HOATZ: variants seen among roughly 807,000 people sequenced by gnomAD.
HOATZ encodes the protein HOATZ cilia and flagella associated protein.
HOATZ carries 26 observed loss-of-function variants against 24.9 expected under a neutral mutation model. That is an observed-to-expected ratio of 1.04 (90% CI 0.76 to 1.45). HOATZ has a LOEUF of 1.45. Ranked by LOEUF, HOATZ falls within the 40% of genes most tolerant of loss-of-function variation. The probability of loss-of-function intolerance (pLI) is 0.00; values close to 1 mark genes in which losing one functional copy is unlikely to be tolerated. For synonymous variants in HOATZ, 83 were observed against 76.6 expected, an observed-to-expected ratio of 1.08 and a Z score of -0.43; for missense variants, 226 against 201.5, an observed-to-expected ratio of 1.12 and a Z score of -0.74.
At chr11:111,525,831 G>GA (rs1401384922) in intron 3 of HOATZ, among the ~76,000 whole-genome samples, 2 of 152,174 alleles carry the variant, frequency 1.3e-5, no homozygotes, top group South Asian at 2.1e-4. Flanking sequence ...TTCCCATTTA[G>GA]AAAAAAGAAG....
intron 3 of HOATZ, among the ~76,000 whole-genome samples, chr11:111,527,577 T>C (rs1316726336): frequency 6.6e-6 from 1 of 152,236 alleles, no homozygotes; most frequent in Non-Finnish European, 1.5e-5. Context: ...AATCAGATTA[T>C]ACTGGGGAAA....
intron 5 of HOATZ, chr11:111,534,876 A>G (rs928386017): frequency 5.9e-6 from 1 of 169,556 alleles, no homozygotes; most frequent in Non-Finnish European, 1.3e-5. Flanking sequence ...TGCTAAAACT[A>G]AGTTCATGTA....
chr11:111,529,869 C>T (rs931854757), intron 3 of HOATZ, among the ~76,000 whole-genome samples: 2 of 152,050 alleles, frequency 1.3e-5, no homozygotes, highest in Non-Finnish European at 2.9e-5. Flanking sequence ...GAAGAATTTG[C>T]ACTGCATATT....
chr11:111,519,533 T>TC (rs746496730), intron 3 of HOATZ, among the ~76,000 whole-genome samples: 2 of 152,156 alleles, frequency 1.3e-5, no homozygotes, highest in African/African-American at 2.4e-5. Context: ...GAAACGTAAC[T>TC]CCCTGTAATT....
chr11:111,523,205 C>CTTTTTTTTTT (rs747393521), intron 3 of HOATZ, among the ~76,000 whole-genome samples: 10 of 94,262 alleles, frequency 1.1e-4, no homozygotes, highest in East Asian at 2.9e-4. Context: ...TAAGTGTTCA[C>CTTTTTTTTTT]TTTTTTTTTT....
chr11:111,525,021 A>G, intron 3 of HOATZ: 1 of 345,370 alleles, frequency 2.9e-6, no homozygotes, highest in South Asian at 2.2e-5. Context: ...GGTGCACACC[A>G]TCACATCCAG....
intron 3 of HOATZ, among the ~76,000 whole-genome samples, chr11:111,527,968 G>T (rs532505307): frequency 7.9e-5 from 12 of 152,266 alleles, no homozygotes; most frequent in Non-Finnish European, 1.6e-4. Context: ...TGCAGAATGT[G>T]AACTGAAATT....
chr11:111,536,865 CT>C lies in HOATZ; in HGVS notation c.*40del. ...ATGGCAGAGGATGGCTCACTTATACCTTCACTTTGGAAACAACCTTCTCTTA... is the reference window on the plus strand; with the variant it reads ...ATGGCAGAGGATGGCTCACTTATACCTCACTTTGGAAACAACCTTCTCTTA... On this transcript the variant is annotated 3_prime_UTR_variant, in exon 6 of 6. Coordinates refer to ENST00000375618, the MANE Select transcript of HOATZ (RefSeq NM_001100388.2). 6.5e-7 allele frequency: 1 copy of C among 1,548,348 alleles called. No individual in the cohort carries two copies. The highest frequency in any genetic ancestry group is 1.1e-5 in the South Asian group (1 of 89,616).
chr11:111,514,891 T>C lies in HOATZ; in HGVS notation c.107T>C (p.Leu36Ser). 6.2e-7 allele frequency: 1 copy of C among 1,614,104 alleles called. No individual in the cohort carries two copies. Among genetic ancestry groups the C allele is most frequent in the South Asian group, 1.1e-5 (1 of 91,082 alleles). ...GGCTCCTCGGAACAAGATGCCAACT[T>C]GGCTAAGCAGTTCTGGATCTCGGCG... ...FAGSSEQDAN[L>S]AKQFWISASM... is the part of the protein sequence containing the mutation. Residue 36 changes from leucine to serine, a missense_variant, in exon 1 of 6, where the codon TTG becomes TCG. By Grantham distance (145) the Leu-to-Ser change is moderately radical. Transcript: ENST00000375618.
intron 3 of HOATZ, 126 bp downstream of exon 3, chr11:111,516,236 C>T: frequency 3.7e-6 from 2 of 533,492 alleles, no homozygotes; most frequent in Non-Finnish European, 6.6e-6. Context: ...ATTAAGGAAA[C>T]CTTTATTAGA....
intron 3 of HOATZ, among the ~76,000 whole-genome samples, chr11:111,530,353 T>C (rs78201534): frequency 0.036 from 5,525 of 152,266 alleles, 344 homozygotes; most frequent in African/African-American, 0.12. Context: ...TCAAACCAAA[T>C]GTATTTGACT....
Position 111,515,065 on chromosome 11 carries a change from G to C in HOATZ, c.226+55G>C, listed in dbSNP as rs76844250. 17 of 1,299,190 alleles carry C rather than the reference G, an allele frequency of 1.3e-5. No homozygotes were observed. The East Asian group carries it at 3.9e-4, about 30-fold the overall frequency. The allele number at this position is 1,299,190 out of a possible 1,614,324, so 80.5% of individuals were successfully genotyped here. On this transcript the variant is annotated intron_variant, in intron 1 of 5. Coordinates refer to ENST00000375618, the MANE Select transcript of HOATZ (RefSeq NM_001100388.2). ...ATATCTGCCTCACCGTAACTGGCCTGCAGGTACCAGAGCCCTTTCCAGGAG... is the reference window on the plus strand; with the variant it reads ...ATATCTGCCTCACCGTAACTGGCCTCCAGGTACCAGAGCCCTTTCCAGGAG...
rs2135769788 is a variant in HOATZ at position 111,514,810 on chromosome 11, C to T, written c.26C>T (p.Pro9Leu). Residue 9 changes from proline to leucine, a missense_variant, in exon 1 of 6, where the codon CCT becomes CTT. Transcript: ENST00000375618. ...ATGGAAACGGGACCCAGCGAAGAAC[C>T]TAGCGGCCGAAAAGAGTCCCAGGAA... Reference protein sequence around the residue: METGPSEEPSGRKESQEMC... With the variant: METGPSEELSGRKESQEMC... 6.2e-7 allele frequency: 1 copy of T among 1,614,010 alleles called. No individual in the cohort carries two copies. Among genetic ancestry groups the T allele is most frequent in the Non-Finnish European group, 8.5e-7 (1 of 1,179,964 alleles).
At chr11:111,527,396 A>G (rs1248604017) in intron 3 of HOATZ, among the ~76,000 whole-genome samples, 1 of 152,184 alleles carries the variant, frequency 6.6e-6, no homozygotes, top group African/African-American at 2.4e-5. Context: ...AAAAGTGTAT[A>G]TGTCAGACCT....
intron 4 of HOATZ, among the ~76,000 whole-genome samples, chr11:111,534,081 A>G (rs1332698506): frequency 6.6e-6 from 1 of 152,230 alleles, no homozygotes; most frequent in African/African-American, 2.4e-5. Flanking sequence ...TAAGATATTA[A>G]CATGGGCTAT....
chr11:111,533,412 T>C (rs1414911731), intron 3 of HOATZ, among the ~76,000 whole-genome samples: 5 of 152,204 alleles, frequency 3.3e-5, no homozygotes, highest in African/African-American at 1.2e-4. Flanking sequence ...GCTCATGTGG[T>C]AAGGTCTTAA....
At chr11:111,531,845 C>G (rs1385948106) in intron 3 of HOATZ, among the ~76,000 whole-genome samples, 1 of 152,198 alleles carries the variant, frequency 6.6e-6, no homozygotes, top group South Asian at 2.1e-4. Context: ...GCGTGGGCCC[C>G]TTCTCTGTGT....
chr11:111,519,090 G>A (rs1453139367), intron 3 of HOATZ: 2 of 453,562 alleles, frequency 4.4e-6, no homozygotes, highest in African/African-American at 2.0e-5. Flanking sequence ...CTATTTGTGT[G>A]ACCTTGAGCA....
At chr11:111,533,851 AATTGTG>A (rs1469845976) in intron 4 of HOATZ, 46 bp downstream of exon 4, 6 of 1,388,316 alleles carry the variant, frequency 4.3e-6, no homozygotes, top group Non-Finnish European at 4.9e-6. Context: ...TGAGTGGATG[AATTGTG>A]GCAAATTTTG....
Sources: allele counts gnomAD v4.1 joint callset (sites outside exome capture counted in the v4.1 genomes callset), GRCh38; gene constraint gnomAD v4.1.1; transcripts MANE v1.5; gene names NCBI Gene and HGNC (gene_info 2026-07-23, HGNC 2026-07-21).